Variants in C16orf78 observed in about 807,000 individuals in gnomAD.
C16orf78 encodes chromosome 16 open reading frame 78, also known as uncharacterized protein C16orf78.
In C16orf78, 19 loss-of-function variants were observed where a neutral mutation model predicts 27.3. That is an observed-to-expected ratio of 0.70 (90% confidence interval 0.49 to 1.02). The LOEUF is 1.02. Among genes scored for constraint, C16orf78 ranks in the 50% least tolerant of loss-of-function variants. C16orf78 has a pLI of 0.00. For missense variants in C16orf78, 339 were observed against 337.0 expected, an observed-to-expected ratio of 1.01 and a Z score of -0.05; for synonymous variants, 130 against 116.1, an observed-to-expected ratio of 1.12 and a Z score of -0.77.
intron 4 of C16orf78, among the ~76,000 whole-genome samples, chr16:49,398,927 G>A (rs111825176): frequency 0.01 from 1,580 of 152,294 alleles, 18 homozygotes; most frequent in Non-Finnish European, 0.015. Flanking sequence ...TGCCAAAAGA[G>A]TTACACAAAC....
At chr16:49,398,895 T>C (rs750027222) in intron 4 of C16orf78, among the ~76,000 whole-genome samples, 19 of 152,160 alleles carry the variant, frequency 1.2e-4, no homozygotes, top group Non-Finnish European at 2.2e-4. Context: ...TAATGAATGT[T>C]TTTTCTCTGG....
At chr16:49,382,947 C>T (rs1965305515) in intron 3 of C16orf78, among the ~76,000 whole-genome samples, 1 of 152,228 alleles carries the variant, frequency 6.6e-6, no homozygotes, top group South Asian at 2.1e-4. Flanking sequence ...CTAAAAGAAA[C>T]CCATACCAGC....
At chr16:49,377,483 G>T (rs775556327) in intron 1 of C16orf78, among the ~76,000 whole-genome samples, 4 of 152,176 alleles carry the variant, frequency 2.6e-5, no homozygotes, top group Non-Finnish European at 5.9e-5. Flanking sequence ...GGGAGCCCCT[G>T]ATGGATTCTG....
At chr16:49,384,650 C>G (rs960138092) in intron 3 of C16orf78, among the ~76,000 whole-genome samples, 3 of 152,068 alleles carry the variant, frequency 2.0e-5, no homozygotes, top group Admixed American at 6.6e-5. Context: ...CTGCAAAGTT[C>G]CCAAATTTGA....
chr16:49,391,404 C>T (rs1196852361), intron 3 of C16orf78, among the ~76,000 whole-genome samples: 1 of 152,210 alleles, frequency 6.6e-6, no homozygotes, highest in Non-Finnish European at 1.5e-5. Context: ...ACAGAGTGAG[C>T]TTCTGGTGTC....
At position 49,399,036 on chromosome 16, in the gene C16orf78, C is replaced by T. The variant is rs756149733; in HGVS notation, c.651-95C>T. 2.7e-5 allele frequency: 37 copies of T among 1,371,112 alleles called. No individual in the cohort carries two copies. In the Middle Eastern group the frequency reaches 7.4e-4, roughly 27 times the overall value. 84.9% of individuals were successfully genotyped at this position (1,371,112 alleles called of 1,614,324 possible). On this transcript the variant is annotated intron_variant, in intron 4 of 4. Coordinates refer to ENST00000299191, the MANE Select transcript of C16orf78 (RefSeq NM_144602.4). ...GAGACAGCCCCTTGCAGAGCACCCACACTTACTGCTGCTCAAATCTAAGCT... is the reference window on the plus strand; with the variant it reads ...GAGACAGCCCCTTGCAGAGCACCCATACTTACTGCTGCTCAAATCTAAGCT...
At chr16:49,386,780 G>A (rs1965356700) in intron 3 of C16orf78, among the ~76,000 whole-genome samples, 1 of 152,022 alleles carries the variant, frequency 6.6e-6, no homozygotes. Flanking sequence ...ATATGGTCTT[G>A]TTCTTTTTAT....
At chr16:49,395,580 C>T (rs1965461289) in intron 3 of C16orf78, among the ~76,000 whole-genome samples, 1 of 152,160 alleles carries the variant, frequency 6.6e-6, no homozygotes, top group South Asian at 2.1e-4. Context: ...CCTGCAAGTC[C>T]AACAACATTT....
At chr16:49,377,034 C>A (rs1273234475) in intron 1 of C16orf78, among the ~76,000 whole-genome samples, 2 of 152,320 alleles carry the variant, frequency 1.3e-5, no homozygotes, top group East Asian at 3.9e-4. Flanking sequence ...GGTGGCCCAC[C>A]CTTTAAGTGC....
rs773995490 is a variant in C16orf78, at chr16:49,373,960, C to T, written c.21C>T (p.Asp7=). The T allele has an allele frequency of 3.7e-6, 6 of 1,613,922 alleles. No individual in the cohort carries two copies. Among genetic ancestry groups the T allele is most frequent in the African/African-American group, 1.3e-5 (1 of 74,870 alleles). Residue 7 remains aspartate (D), a synonymous_variant, in exon 1 of 5, where the codon GAC becomes GAT. Transcript: ENST00000299191. ...CCACAATGTCAGAGCAACAAATGGA[C>T]CTGAAGGATTTAATGCCCACAAAGA... The part of the protein sequence containing the change: MSEQQM[D]LKDLMPTKRK...
rs537191317 is a variant in C16orf78 at position 49,381,979 on chromosome 16, G to A, written c.394+3386G>A. Among the ~76,000 whole-genome samples the A allele has an allele frequency of 3.9e-3, 591 of 151,908 alleles. 13 individuals carry two copies. The highest frequency in any genetic ancestry group is 0.014 in the African/African-American group (560 of 41,388). ...CACATGCACACATATGTTTATTGCG[G>A]CATTATTCACAATAGCAAAGACTTG... On this transcript the variant is annotated intron_variant, in intron 3 of 4. Coordinates refer to ENST00000299191, the MANE Select transcript of C16orf78 (RefSeq NM_144602.4).
Position 49,382,320 on chromosome 16 carries a change from C to T in C16orf78, c.394+3727C>T, listed in dbSNP as rs559390839. Among the ~76,000 whole-genome samples the T allele has an allele frequency of 2.1e-4, 32 of 151,938 alleles. No homozygotes were observed. In the East Asian group the frequency reaches 3.1e-3, roughly 15 times the overall value. On this transcript the variant is annotated intron_variant, in intron 3 of 4. Coordinates refer to ENST00000299191, the MANE Select transcript of C16orf78 (RefSeq NM_144602.4). ...AGGAGATATACCTAATGCTAGATGACGAGTTAGTAGGTGCAGCGCACCAGC... is the reference window on the plus strand; with the variant it reads ...AGGAGATATACCTAATGCTAGATGATGAGTTAGTAGGTGCAGCGCACCAGC...
At chr16:49,377,939 A>T in intron 2 of C16orf78, 89 bp downstream of exon 2, 2 of 1,476,980 alleles carry the variant, frequency 1.4e-6, no homozygotes, top group East Asian at 2.5e-5. Context: ...ATGCCTGCCT[A>T]CTTTCTAAAT....
chr16:49,384,196 A>C (rs1316127853), intron 3 of C16orf78, among the ~76,000 whole-genome samples: 1 of 151,988 alleles, frequency 6.6e-6, no homozygotes, highest in East Asian at 1.9e-4. Flanking sequence ...TAAAAATACA[A>C]AGTTAGCTGG....
At chr16:49,389,866 A>G (rs1965392859) in intron 3 of C16orf78, among the ~76,000 whole-genome samples, 1 of 152,172 alleles carries the variant, frequency 6.6e-6, no homozygotes, top group Admixed American at 6.5e-5. Context: ...AGTGCTCTTC[A>G]TTGGATCCAG....
intron 3 of C16orf78, among the ~76,000 whole-genome samples, chr16:49,379,443 G>A (rs371496631): frequency 7.2e-6 from 1 of 139,036 alleles, no homozygotes; most frequent in Non-Finnish European, 1.5e-5. Flanking sequence ...AAGCAGAGGC[G>A]GTCAATTCTC....
chr16:49,374,653 C>T (rs1965192906), intron 1 of C16orf78, among the ~76,000 whole-genome samples: 1 of 152,334 alleles, frequency 6.6e-6, no homozygotes, highest in East Asian at 1.9e-4. Context: ...CTGCCCTCAG[C>T]TCTTCTCTCC....
At chr16:49,375,134 A>G (rs185581847) in intron 1 of C16orf78, among the ~76,000 whole-genome samples, 57 of 152,254 alleles carry the variant, frequency 3.7e-4, no homozygotes, top group African/African-American at 1.2e-3. Flanking sequence ...CATTTTATTG[A>G]AGTCACAGAA....
intron 2 of C16orf78, 105 bp downstream of exon 2, chr16:49,377,955 G>A: frequency 7.0e-7 from 1 of 1,425,696 alleles, no homozygotes; most frequent in Non-Finnish European, 9.4e-7. Flanking sequence ...TAAATTTCAA[G>A]GCTCCGAAAT....
Sources: allele counts gnomAD v4.1 joint callset (sites outside exome capture counted in the v4.1 genomes callset), GRCh38; gene constraint gnomAD v4.1.1; transcripts MANE v1.5; gene names NCBI Gene and HGNC (gene_info 2026-07-23, HGNC 2026-07-21).